Variants in KIF13B observed in about 807,000 individuals in gnomAD.
KIF13B encodes kinesin-like protein KIF13B.
Under a neutral mutation model 222.0 loss-of-function variants are expected in KIF13B, and 127 were observed. That is an observed-to-expected ratio of 0.57 (90% CI 0.50 to 0.66). KIF13B has a LOEUF of 0.66. KIF13B is among the 30% of genes least tolerant of loss of function. KIF13B has a pLI of 0.00. For synonymous variants in KIF13B, 976 were observed against 919.0 expected, an observed-to-expected ratio of 1.06 and a Z score of -1.12; for missense variants, 2,173 against 2,379.0, an observed-to-expected ratio of 0.91 and a Z score of 1.80.
Position 29,148,153 on chromosome 8 carries a change from C to T in KIF13B, c.1813+424G>A, listed in dbSNP as rs150665676. 9.1e-3 allele frequency among the ~76,000 whole-genome samples: 1,386 copies of T among 152,220 alleles called. 18 individuals are homozygous for T. The highest frequency in any genetic ancestry group is 0.021 in the South Asian group (102 of 4,814). ...CCAGGAGGCAGAGGTTGCAGGGAGCCGAGATCGTGCCACTGCACCCTAGCC... is the reference window on the plus strand; with the variant it reads ...CCAGGAGGCAGAGGTTGCAGGGAGCTGAGATCGTGCCACTGCACCCTAGCC... On this transcript the variant is annotated intron_variant, in intron 16 of 39. Coordinates refer to ENST00000524189, the MANE Select transcript of KIF13B (RefSeq NM_015254.4).
chr8:29,148,457 G>T, intron 16 of KIF13B, 120 bp downstream of exon 16: 1 of 559,100 alleles, frequency 1.8e-6, no homozygotes, highest in Non-Finnish European at 3.0e-6. Context: ...AAAGAGCAGT[G>T]GTTATTCACG....
chr8:29,204,748 C>T (rs1019605054), intron 2 of KIF13B, among the ~76,000 whole-genome samples: 1 of 151,810 alleles, frequency 6.6e-6, no homozygotes, highest in African/African-American at 2.4e-5. Flanking sequence ...CTGGGCCAGA[C>T]ATCTGGCCTT....
chr8:29,210,035 A>C (rs1814145222), intron 2 of KIF13B, among the ~76,000 whole-genome samples: 1 of 151,972 alleles, frequency 6.6e-6, no homozygotes. Flanking sequence ...CAGCTTAGGC[A>C]AGAGAGCCAG....
At position 29,186,460 on chromosome 8, in the gene KIF13B, G is replaced by T; in HGVS notation, c.329C>A (p.Ser110Tyr). The change falls in exon 6 of 40, where the codon TCT becomes TAT. Residue 110 changes from serine to tyrosine, a missense_variant. Coordinates refer to ENST00000524189, the MANE Select transcript of KIF13B (RefSeq NM_015254.4). ...GTCAGCTGTGCCCATCATGGTATAA[G>T]ATTTTCCAGAGCCTAAAAAAATGGA... is the stretch of plus-strand genomic sequence containing the variant. ...FAYGQTGSGK[S>Y]YTMMGTADQP... is the part of the protein sequence containing the mutation. 6.2e-7 allele frequency: 1 copy of T among 1,603,480 alleles called. No homozygotes were observed. Among genetic ancestry groups the T allele is most frequent in the Non-Finnish European group, 8.5e-7 (1 of 1,177,196 alleles).
chr8:29,114,015 G>A (rs1429280491), intron 31 of KIF13B, among the ~76,000 whole-genome samples: 1 of 152,160 alleles, frequency 6.6e-6, no homozygotes, highest in Non-Finnish European at 1.5e-5. Flanking sequence ...AAGCAAGATC[G>A]TTATGAGGAA....
At chr8:29,226,684 A>G (rs2130560937) in intron 2 of KIF13B, among the ~76,000 whole-genome samples, 1 of 152,346 alleles carries the variant, frequency 6.6e-6, no homozygotes, top group African/African-American at 2.4e-5. Context: ...ACTAAATGTT[A>G]AAATTTACAC....
intron 21 of KIF13B, among the ~76,000 whole-genome samples, chr8:29,136,905 T>G (rs1810586203): frequency 6.8e-6 from 1 of 147,764 alleles, no homozygotes; most frequent in African/African-American, 2.5e-5. Context: ...GTTCACACCA[T>G]TCTCCTGCCT....
At chr8:29,241,008 C>T (rs1389913609) in intron 2 of KIF13B, among the ~76,000 whole-genome samples, 2 of 152,168 alleles carry the variant, frequency 1.3e-5, no homozygotes, top group African/African-American at 2.4e-5. Flanking sequence ...AAGACTTGTA[C>T]ACAAACTGCA....
At chr8:29,147,260 T>C in intron 17 of KIF13B, 132 bp downstream of exon 17, 1 of 688,724 alleles carries the variant, frequency 1.5e-6, no homozygotes, top group Non-Finnish European at 2.4e-6. Context: ...GGTTCTTGGC[T>C]GTTAACACTT....
At chr8:29,128,116 T>C (rs1271638235) in intron 24 of KIF13B, among the ~76,000 whole-genome samples, 3 of 149,290 alleles carry the variant, frequency 2.0e-5, no homozygotes, top group African/African-American at 4.9e-5. Context: ...AATTTACTGA[T>C]ATAGCAGTAT....
At chr8:29,171,426 G>GA (rs933043618) in intron 10 of KIF13B, among the ~76,000 whole-genome samples, 56 of 150,262 alleles carry the variant, frequency 3.7e-4, no homozygotes, top group African/African-American at 1.2e-3. Flanking sequence ...ATATGAGGCA[G>GA]AAAAAAAAAG....
intron 2 of KIF13B, among the ~76,000 whole-genome samples, chr8:29,212,575 C>A (rs10098810): frequency 0.015 from 2,330 of 152,228 alleles, 55 homozygotes; most frequent in African/African-American, 0.053. Flanking sequence ...GTCCAAACTA[C>A]TTCCTTAGCC....
Position 29,099,215 on chromosome 8 carries a change from T to A in KIF13B, c.4242A>T (p.Val1414=), listed in dbSNP as rs1394145804. The A allele has an allele frequency of 6.2e-7, 1 of 1,613,380 alleles. No homozygotes were observed. Among genetic ancestry groups the A allele is most frequent in the Admixed American group, 1.7e-5 (1 of 59,942 alleles). Residue 1414 remains valine (V), a synonymous_variant, in exon 36 of 40, where the codon GTA becomes GTT. Transcript: ENST00000524189. ...TTCCTCTGGAAACTGTGGTTTGGGATACATCCTGCTGACTTTCCCACCGGC... is the reference window on the plus strand; with the variant it reads ...TTCCTCTGGAAACTGTGGTTTGGGAAACATCCTGCTGACTTTCCCACCGGC... ...NKGRWESQQD[V]SQTTVSRGIA...
chr8:29,231,620 G>T, intron 2 of KIF13B, among the ~76,000 whole-genome samples: 1 of 152,186 alleles, frequency 6.6e-6, no homozygotes, highest in East Asian at 1.9e-4. Flanking sequence ...ATCTTCTCTG[G>T]AAAGGAATAT....
chr8:29,202,789 A>T (rs1563784654), intron 2 of KIF13B, among the ~76,000 whole-genome samples: 1 of 151,968 alleles, frequency 6.6e-6, no homozygotes, highest in Non-Finnish European at 1.5e-5. Flanking sequence ...AGCCTCCAAC[A>T]TCCCTATCAG....
rs546491477 is a variant in KIF13B, at chr8:29,250,883, C to T, written c.56-5444G>A. ...CTAGTTGAATTAAATTGTGTTGCTA[C>T]AAGATTTTAAATATGACACACTCGC... On this transcript the variant is annotated intron_variant, in intron 1 of 39. Transcript: ENST00000524189. Among the ~76,000 whole-genome samples the T allele has an allele frequency of 2.0e-5, 3 of 152,300 alleles. No homozygotes were observed. The South Asian group carries it at 6.2e-4, about 32-fold the overall frequency.
chr8:29,165,904 T>C (rs73224676), intron 11 of KIF13B, 132 bp from the exon 12 acceptor site: 12 of 567,846 alleles, frequency 2.1e-5, no homozygotes, highest in Admixed American at 3.3e-5. Context: ...TGACATCTAC[T>C]TCGATTGTAG....
intron 1 of KIF13B, among the ~76,000 whole-genome samples, chr8:29,257,906 A>G (rs1269678742): frequency 6.6e-6 from 1 of 152,224 alleles, no homozygotes; most frequent in Non-Finnish European, 1.5e-5. Context: ...TTCTTCTCAA[A>G]ATGCCTCTGG....
chr8:29,081,712 G>A (rs778096188), intron 37 of KIF13B, among the ~76,000 whole-genome samples: 1 of 152,072 alleles, frequency 6.6e-6, no homozygotes, highest in African/African-American at 2.4e-5. Context: ...TTCCTTAAAC[G>A]TGGCTACTAG....
Sources: gnomAD v4.1 joint callset for allele counts (sites outside exome capture counted in the v4.1 genomes callset) on GRCh38, gnomAD v4.1.1 for gene constraint, MANE v1.5 for transcripts, NCBI Gene and HGNC (gene_info 2026-07-23, HGNC 2026-07-21) for gene names.